Variants in LRMDA observed in about 807,000 individuals in gnomAD.
LRMDA encodes the protein leucine rich melanocyte differentiation associated.
Under a neutral mutation model 29.8 loss-of-function variants are expected in LRMDA, and 18 were observed. The observed-to-expected ratio is 0.60, with a 90% CI of 0.42 to 0.90. The LOEUF is 0.90. Among genes scored for constraint, LRMDA ranks in the 40% least tolerant of loss-of-function variants. The probability of loss-of-function intolerance (pLI) is 0.00; values close to 1 mark genes in which losing one functional copy is unlikely to be tolerated. For synonymous variants in LRMDA, 125 were observed against 109.4 expected, an observed-to-expected ratio of 1.14 and a Z score of -0.89; for missense variants, 273 against 273.9, an observed-to-expected ratio of 1.00 and a Z score of 0.02.
intron 2 of LRMDA, among the ~76,000 whole-genome samples, chr10:75,926,856 C>T (rs1846128453): frequency 6.6e-6 from 1 of 152,202 alleles, no homozygotes; most frequent in South Asian, 2.1e-4. Context: ...CTGGGCTTCT[C>T]CTATCCTATC....
chr10:75,752,146 G>T (rs1220373644), intron 2 of LRMDA, among the ~76,000 whole-genome samples: 2 of 150,244 alleles, frequency 1.3e-5, no homozygotes, highest in African/African-American at 4.9e-5. Context: ...TTAGACATAT[G>T]ATTCTGTTTG....
At chr10:76,059,547 C>G (rs925096531) in intron 5 of LRMDA, among the ~76,000 whole-genome samples, 3 of 152,144 alleles carry the variant, frequency 2.0e-5, no homozygotes, top group Admixed American at 1.3e-4. Context: ...CCCTGATGAT[C>G]TCCTTGGAGA....
At chr10:76,060,273 G>T (rs745873138) in intron 5 of LRMDA, among the ~76,000 whole-genome samples, 1 of 152,052 alleles carries the variant, frequency 6.6e-6, no homozygotes, top group African/African-American at 2.4e-5. Flanking sequence ...TTTCTCCTGC[G>T]CTCATTGACT....
At chr10:75,993,868 C>T (rs1847414325) in intron 2 of LRMDA, among the ~76,000 whole-genome samples, 1 of 152,166 alleles carries the variant, frequency 6.6e-6, no homozygotes, top group African/African-American at 2.4e-5. Context: ...TTCCCTTTCC[C>T]TGTCAGTCTC....
intron 1 of LRMDA, among the ~76,000 whole-genome samples, chr10:75,437,230 G>A (rs114518373): frequency 1.7e-3 from 261 of 152,302 alleles, no homozygotes; most frequent in African/African-American, 6.0e-3. Flanking sequence ...TTCTAAAATG[G>A]TTGGATATTG....
chr10:75,927,496 C>A (rs1441757876), intron 2 of LRMDA, among the ~76,000 whole-genome samples: 2 of 152,188 alleles, frequency 1.3e-5, no homozygotes, highest in Non-Finnish European at 2.9e-5. Flanking sequence ...CAACCTTGCT[C>A]TGCACTTTTT....
At chr10:75,749,050 C>T (rs758039461) in intron 2 of LRMDA, among the ~76,000 whole-genome samples, 9 of 152,104 alleles carry the variant, frequency 5.9e-5, no homozygotes, top group Admixed American at 1.3e-4. Flanking sequence ...AACTCTGCTG[C>T]CCCTGAGACA....
intron 5 of LRMDA, among the ~76,000 whole-genome samples, chr10:76,066,220 T>C (rs1848782987): frequency 6.6e-6 from 1 of 152,200 alleles, no homozygotes; most frequent in Non-Finnish European, 1.5e-5. Flanking sequence ...TTCTGGGTAC[T>C]TAACTAATTA....
chr10:76,358,653 G>A (rs966269068), intron 6 of LRMDA, among the ~76,000 whole-genome samples: 11 of 152,132 alleles, frequency 7.2e-5, no homozygotes, highest in African/African-American at 2.7e-4. Context: ...CTGAACAAGA[G>A]TCCCATTAAA....
At chr10:75,445,031 CG>C (rs1281549377) in intron 2 of LRMDA, among the ~76,000 whole-genome samples, 1 of 152,182 alleles carries the variant, frequency 6.6e-6, no homozygotes, top group East Asian at 1.9e-4. Context: ...CAGGCTCAAA[CG>C]ATCCTCCCAC....
chr10:76,022,212 C>G (rs1847985637), intron 2 of LRMDA, among the ~76,000 whole-genome samples: 1 of 152,242 alleles, frequency 6.6e-6, no homozygotes, highest in African/African-American at 2.4e-5. Context: ...TTTTGGAGGA[C>G]AGGATTGTAC....
chr10:76,295,681 G>A (rs1441324223), intron 5 of LRMDA, among the ~76,000 whole-genome samples: 2 of 152,146 alleles, frequency 1.3e-5, no homozygotes, highest in Admixed American at 6.5e-5. Flanking sequence ...AAGGACTATA[G>A]TATCCCTATT....
Position 76,165,985 on chromosome 10 carries a change from C to A in LRMDA, c.516+107202C>A, listed in dbSNP as rs112997272. Among the ~76,000 whole-genome samples the A allele has an allele frequency of 6.8e-3, 1,028 of 152,104 alleles. 11 individuals are homozygous for A. The highest frequency in any genetic ancestry group is 0.023 in the African/African-American group (951 of 41,464). On this transcript the variant is annotated intron_variant, in intron 5 of 6. Transcript: ENST00000611255. ...ACAGTATGGTTCTTGCCCTTCTAGA[C>A]CAATATTCAGTGGGAATACAGAGGG...
intron 2 of LRMDA, among the ~76,000 whole-genome samples, chr10:75,985,522 A>G (rs1349730556): frequency 1.3e-5 from 2 of 152,216 alleles, no homozygotes; most frequent in Non-Finnish European, 2.9e-5. Flanking sequence ...CAAGGCTTTC[A>G]TATTCTCTTC....
chr10:76,366,046 G>A (rs1388646220), intron 6 of LRMDA, among the ~76,000 whole-genome samples: 2 of 152,096 alleles, frequency 1.3e-5, no homozygotes, highest in Admixed American at 6.5e-5. Flanking sequence ...AGATCAGTTG[G>A]CTGTAAGTAT....
chr10:75,657,494 A>C (rs1841692314), intron 2 of LRMDA, among the ~76,000 whole-genome samples: 1 of 152,212 alleles, frequency 6.6e-6, no homozygotes, highest in East Asian at 1.9e-4. Flanking sequence ...CACTAATGCT[A>C]GAACCAGGAA....
At chr10:76,244,985 A>T (rs183244169) in intron 5 of LRMDA, among the ~76,000 whole-genome samples, 1 of 152,262 alleles carries the variant, frequency 6.6e-6, no homozygotes, top group Admixed American at 6.5e-5. Flanking sequence ...AACTTCTCTG[A>T]GGCTTCAACT....
intron 6 of LRMDA, among the ~76,000 whole-genome samples, chr10:76,434,653 A>G (rs1046593374): frequency 1.3e-5 from 2 of 152,214 alleles, no homozygotes; most frequent in African/African-American, 4.8e-5. Flanking sequence ...AGTGCCACTG[A>G]GCATTTACCA....
At chr10:75,831,485 C>T (rs1844344022) in intron 2 of LRMDA, among the ~76,000 whole-genome samples, 2 of 152,216 alleles carry the variant, frequency 1.3e-5, no homozygotes, top group Non-Finnish European at 2.9e-5. Context: ...TAGCGCCGCT[C>T]CTGGCTGCTT....
Sources: allele counts gnomAD v4.1 joint callset (sites outside exome capture counted in the v4.1 genomes callset), GRCh38; gene constraint gnomAD v4.1.1; transcripts MANE v1.5; gene names NCBI Gene and HGNC (gene_info 2026-07-23, HGNC 2026-07-21).